Variants in MOSPD3 observed in about 807,000 individuals in gnomAD.
MOSPD3 encodes motile sperm domain containing 3, also known as motile sperm domain-containing protein 3.
Under a neutral mutation model 23.3 loss-of-function variants are expected in MOSPD3, and 20 were observed. The observed-to-expected ratio is 0.86, with a 90% CI of 0.61 to 1.25. MOSPD3 has a LOEUF of 1.25. MOSPD3 is among the 50% of genes most tolerant of loss of function. The pLI is 0.00. For missense variants in MOSPD3, 307 were observed against 315.7 expected (o/e 0.97, Z 0.21); for synonymous variants, 136 against 135.2 (o/e 1.01, Z -0.04).
intron 3 of MOSPD3, 130 bp downstream of exon 3, chr7:100,613,836 C>G (rs993964765): frequency 1.2e-6 from 1 of 824,504 alleles, no homozygotes; most frequent in Non-Finnish European, 1.9e-6. Flanking sequence ...AACATTCCTC[C>G]GAGTTGAGAT....
chr7:100,613,575 G>A lies in MOSPD3; in HGVS notation c.380G>A (p.Gly127Glu). Residue 127 changes from glycine (G) to glutamate (E), a missense_variant, in exon 3 of 5, where the codon GGA becomes GAA. Physicochemically the swap from Gly to Glu is moderately conservative, Grantham distance 98. Transcript: ENST00000393950. ...SEEGAEGRVV[G>E]RKDITSILRA... ...GAAGGAGCTGAGGGCCGAGTGGTGG[G>A]ACGCAAGGACATTACCTCCATTCTG... is the stretch of plus-strand genomic sequence containing the variant. The A allele has an allele frequency of 6.2e-7, 1 of 1,614,176 alleles. No homozygotes were observed. Among genetic ancestry groups the A allele is most frequent in the East Asian group, 2.2e-5 (1 of 44,878 alleles).
In MOSPD3 at chr7:100,613,732, G is replaced by A. The variant is rs368724396; in HGVS notation, c.511+26G>A. ...GTGAGTTGGGAGACTGGGATCTTGA[G>A]TTCTGTAGGGAGGGAGGAACTAGCA... On this transcript the variant is annotated intron_variant, in intron 3 of 4. Transcript: ENST00000393950. The A allele has an allele frequency of 2.0e-5, 32 of 1,588,570 alleles. No individual in the cohort carries two copies. In the African/African-American group the frequency reaches 3.1e-4, roughly 15 times the overall value.
At chr7:100,614,631 G>A (rs12532878) in intron 3 of MOSPD3, among the ~76,000 whole-genome samples, 27,111 of 151,948 alleles carry the variant, frequency 0.18, 2,504 homozygotes, top group Non-Finnish European at 0.2. Context: ...AAAATTAGCC[G>A]GGCATGGTAG....
chr7:100,612,726 C>A lies in MOSPD3; in HGVS notation c.-66C>A. The A allele has an allele frequency of 3.0e-6, 4 of 1,327,214 alleles. No individual in the cohort carries two copies. The highest frequency in any genetic ancestry group is 2.4e-5 in the East Asian group (1 of 42,036). 82.2% of individuals were successfully genotyped at this position (1,327,214 alleles called of 1,614,324 possible). On this transcript the variant is annotated 5_prime_UTR_variant, in exon 1 of 5. Coordinates refer to ENST00000393950, the MANE Select transcript of MOSPD3 (RefSeq NM_023948.5). ...TGTCCCCTTTCGCCCCTCACGCCCC[C>A]CAGCTCTGACTCCAGGCCCTGTCCC...
intron 1 of MOSPD3, 72 bp from the exon 2 acceptor site, chr7:100,613,122 C>T (rs951612641): frequency 5.0e-6 from 8 of 1,585,514 alleles, no homozygotes; most frequent in Admixed American, 1.7e-5. Flanking sequence ...GTCCAGCCTC[C>T]GGGGCAGAAG....
chr7:100,613,058 A>T (rs1584446145), intron 1 of MOSPD3, 62 bp downstream of exon 1: 1 of 1,600,778 alleles, frequency 6.2e-7, no homozygotes, highest in African/African-American at 1.3e-5. Context: ...TGTTGGCTGG[A>T]GGAGTCAGAT....
Position 100,613,651 on chromosome 7 carries a change from T to C in MOSPD3, c.456T>C (p.Pro152=). 6.2e-7 allele frequency: 1 copy of C among 1,613,950 alleles called. No individual in the cohort carries two copies. The highest frequency in any genetic ancestry group is 8.5e-7 in the Non-Finnish European group (1 of 1,180,012). ...LELQGQPDPA[P]RPGPPAGTPP... ...TTCAGGGACAGCCAGATCCAGCGCC[T>C]CGCCCAGGGCCTCCTGCTGGGACAC... is the stretch of plus-strand genomic sequence containing the variant. The change falls in exon 3 of 5, where the codon CCT becomes CCC. Residue 152 remains proline (P), a synonymous_variant. Coordinates refer to ENST00000393950, the MANE Select transcript of MOSPD3 (RefSeq NM_023948.5).
chr7:100,613,711 G>C lies in MOSPD3; in HGVS notation c.511+5G>C. On this transcript the variant is annotated splice_donor_5th_base_variant and intron_variant, in intron 3 of 4. Transcript: ENST00000393950. ...CGGCCAGACACTTCCAGGAGCGTGAGTTGGGAGACTGGGATCTTGAGTTCT... is the reference window on the plus strand; with the variant it reads ...CGGCCAGACACTTCCAGGAGCGTGACTTGGGAGACTGGGATCTTGAGTTCT... 6.2e-7 allele frequency: 1 copy of C among 1,610,252 alleles called. No individual in the cohort carries two copies. Among genetic ancestry groups the C allele is most frequent in the Non-Finnish European group, 8.5e-7 (1 of 1,179,312 alleles).
In MOSPD3 at chr7:100,615,163, A is replaced by G; in HGVS notation, c.688A>G (p.Met230Val). The change falls in exon 5 of 5, where the codon ATG becomes GTG. Residue 230 changes from methionine to valine, a missense_variant. By Grantham distance (21) the Met-to-Val change is conservative. Coordinates refer to ENST00000393950, the MANE Select transcript of MOSPD3 (RefSeq NM_023948.5). The part of the protein sequence containing the change: ...VAAYVLGLLT[M>V]VFLRT ...TGTCCCCCCTCCAGGCCTCCTCACC[A>G]TGGTGTTCCTCCGGACCTGAGCTCC... 1.2e-6 allele frequency: 2 copies of G among 1,613,992 alleles called. No individual in the cohort carries two copies. The highest frequency in any genetic ancestry group is 1.7e-6 in the Non-Finnish European group (2 of 1,179,970).
chr7:100,612,659 C>T lies in MOSPD3; in HGVS notation c.-133C>T. ...AGCCCCATCTAGCGGGGTTCCAAGG[C>T]GGCGGCGGCATCAGTCGAGGCCCTG... On this transcript the variant is annotated 5_prime_UTR_variant, in exon 1 of 5. Coordinates refer to ENST00000393950, the MANE Select transcript of MOSPD3 (RefSeq NM_023948.5). 1 of 622,586 alleles carries T rather than the reference C, an allele frequency of 1.6e-6. No homozygotes were observed. The highest frequency in any genetic ancestry group is 2.7e-6 in the Non-Finnish European group (1 of 373,730). The allele number at this position is 622,586 out of a possible 1,614,324, so 38.6% of individuals were successfully genotyped here.
rs147878586 is a variant in MOSPD3 at position 100,612,903 on chromosome 7, C to A, written c.112C>A (p.Pro38Thr). 7.4e-6 allele frequency: 12 copies of A among 1,613,508 alleles called. No homozygotes were observed. The South Asian group carries it at 1.3e-4, about 18-fold the overall frequency. The change falls in exon 1 of 5, where the codon CCC (proline) becomes ACC (threonine). Residue 38 changes from proline (P) to threonine (T), a missense_variant. Transcript: ENST00000393950. ...LGPVVPVLVF[P>T]PDLVFRADQR... ...ACCCGTTGTCCCGGTCCTGGTCTTT[C>A]CCCCGGATCTAGTATTCAGGGCGGA...
chr7:100,615,093 A>G, intron 4 of MOSPD3, 59 bp from the exon 5 acceptor site: 4 of 1,613,876 alleles, frequency 2.5e-6, no homozygotes, highest in Non-Finnish European at 3.4e-6. Flanking sequence ...ACGGGAGGAG[A>G]GCTAACAGAG....
chr7:100,612,203 T>A (rs1191565855), upstream of MOSPD3: 2 of 152,450 alleles, frequency 1.3e-5, no homozygotes, highest in Non-Finnish European at 2.9e-5. Context: ...GCAACATTAA[T>A]CTGACCACAA....
At chr7:100,613,748 G>A (rs1584447071) in intron 3 of MOSPD3, 42 bp downstream of exon 3, 1 of 1,521,606 alleles carries the variant, frequency 6.6e-7, no homozygotes, top group East Asian at 2.3e-5. Context: ...TAGGGAGGGA[G>A]GAACTAGCAT....
chr7:100,613,041 G>A lies in MOSPD3; in HGVS notation c.205+45G>A. 1.2e-6 allele frequency: 2 copies of A among 1,609,562 alleles called. 1 individual carries two copies. The highest frequency in any genetic ancestry group is 2.7e-5 in the African/African-American group (2 of 74,960). On this transcript the variant is annotated intron_variant, in intron 1 of 4. Coordinates refer to ENST00000393950, the MANE Select transcript of MOSPD3 (RefSeq NM_023948.5). The stretch of plus-strand genomic sequence containing the variant: ...GTGGGGGCTGGTGGCCGGACACTGG[G>A]GGGTTGTGTTGGCTGGAGGAGTCAG...
chr7:100,613,879 C>G (rs1562831668), intron 3 of MOSPD3, 173 bp downstream of exon 3: 2 of 654,934 alleles, frequency 3.1e-6, no homozygotes, highest in Admixed American at 2.9e-5. Context: ...AGACTTACAG[C>G]TTCCCTGGTT....
chr7:100,615,188 C>T lies in MOSPD3; in HGVS notation c.*5C>T, dbSNP rs773543898. The T allele has an allele frequency of 4.6e-5, 74 of 1,613,844 alleles. No individual in the cohort carries two copies. The highest frequency in any genetic ancestry group is 6.7e-5 in the East Asian group (3 of 44,874). ...ATGGTGTTCCTCCGGACCTGAGCTC[C>T]GTGCTCAACCCCCAGCCCACCCCAC... On this transcript the variant is annotated 3_prime_UTR_variant, in exon 5 of 5. Transcript: ENST00000393950.
rs1286424026 is a variant in MOSPD3, at chr7:100,613,688, G to A, written c.493G>A (p.Ala165Thr). 1 of 1,612,820 alleles carries A rather than the reference G, an allele frequency of 6.2e-7. No homozygotes were observed. Among genetic ancestry groups the A allele is most frequent in the Non-Finnish European group, 8.5e-7 (1 of 1,180,018 alleles). Residue 165 changes from alanine (A) to threonine (T), a missense_variant, in exon 3 of 5, where the codon GCC becomes ACC. Transcript: ENST00000393950. ...GPPAGTPPPT[A>T]RHFQEHPRQQ... is the part of the protein sequence containing the mutation. ...TCCTGCTGGGACACCACCACCCACG[G>A]CCAGACACTTCCAGGAGCGTGAGTT...
chr7:100,615,327 G>A lies in MOSPD3; in HGVS notation c.*144G>A. The A allele has an allele frequency of 1.5e-6, 1 of 653,136 alleles. No homozygotes were observed. Among genetic ancestry groups the A allele is most frequent in the African/African-American group, 1.8e-5 (1 of 54,264 alleles). The allele number at this position is 653,136 out of a possible 1,614,324, so 40.5% of individuals were successfully genotyped here. The stretch of plus-strand genomic sequence containing the variant: ...CTCCTCCCTGACAAAAAACACCCAG[G>A]GATTTGTACTCATTTTCCAAGTTGA... On this transcript the variant is annotated 3_prime_UTR_variant, in exon 5 of 5. Coordinates refer to ENST00000393950, the MANE Select transcript of MOSPD3 (RefSeq NM_023948.5).
Sources: gnomAD v4.1 joint callset for allele counts (sites outside exome capture counted in the v4.1 genomes callset) on GRCh38, gnomAD v4.1.1 for gene constraint, MANE v1.5 for transcripts, NCBI Gene and HGNC (gene_info 2026-07-23, HGNC 2026-07-21) for gene names.